Variants in CFAP61 observed in about 807,000 individuals in gnomAD.
The protein encoded by CFAP61 is cilia- and flagella-associated protein 61.
Under a neutral mutation model 135.6 loss-of-function variants are expected in CFAP61, and 107 were observed. The observed-to-expected ratio is 0.79, with a 90% CI of 0.67 to 0.93. CFAP61 has a LOEUF of 0.93. Ranked by LOEUF, CFAP61 falls within the 40% of genes least tolerant of loss-of-function variation. The pLI is 0.00. For synonymous variants in CFAP61, 575 were observed against 578.5 expected, an observed-to-expected ratio of 0.99 and a Z score of 0.09; for missense variants, 1,507 against 1,556.2, an observed-to-expected ratio of 0.97 and a Z score of 0.53.
chr20:20,115,377 T>A (rs1568934898), intron 8 of CFAP61, among the ~76,000 whole-genome samples: 1 of 150,470 alleles, frequency 6.6e-6, no homozygotes, highest in Non-Finnish European at 1.5e-5. Flanking sequence ...TTTCTAAAGA[T>A]CAAATCAGTG....
chr20:20,277,524 G>A (rs1228136568), intron 22 of CFAP61, 66 bp downstream of exon 22: 32 of 1,487,624 alleles, frequency 2.2e-5, no homozygotes, highest in Non-Finnish European at 2.7e-5. Flanking sequence ...GGGATTTGGG[G>A]GTCTGGAAGA....
intron 21 of CFAP61, among the ~76,000 whole-genome samples, chr20:20,275,271 C>A (rs2053661084): frequency 6.6e-6 from 1 of 152,200 alleles, no homozygotes; most frequent in Admixed American, 6.5e-5. Context: ...TGTAGACCAC[C>A]CACAACGTGC....
intron 6 of CFAP61, among the ~76,000 whole-genome samples, chr20:20,084,592 G>A (rs986359841): frequency 6.6e-6 from 1 of 152,174 alleles, no homozygotes; most frequent in African/African-American, 2.4e-5. Context: ...CAGCCAGGCT[G>A]TGGAGGTGAT....
chr20:20,290,031 C>T (rs1028427199), intron 23 of CFAP61, among the ~76,000 whole-genome samples: 3 of 152,098 alleles, frequency 2.0e-5, no homozygotes, highest in African/African-American at 4.8e-5. Context: ...CGGGGAGCTC[C>T]GGATAATCAC....
At chr20:20,113,364 G>A (rs1237045949) in intron 8 of CFAP61, among the ~76,000 whole-genome samples, 1 of 152,156 alleles carries the variant, frequency 6.6e-6, no homozygotes, top group African/African-American at 2.4e-5. Flanking sequence ...ATGACAATGA[G>A]GTTATACTTG....
rs1236275956 is a variant in CFAP61 at position 20,056,802 on chromosome 20, T to C, written c.143+6T>C. The stretch of plus-strand genomic sequence containing the variant: ...CTAAATATCATCTATCTTCTGTAAG[T>C]AGATAACTAAGTTCAAGAATGTTCA... On this transcript the variant is annotated splice_donor_region_variant and intron_variant, in intron 2 of 26. Coordinates refer to ENST00000245957, the MANE Select transcript of CFAP61 (RefSeq NM_015585.4). 6.2e-7 allele frequency: 1 copy of C among 1,613,234 alleles called. No homozygotes were observed. The highest frequency in any genetic ancestry group is 1.7e-5 in the Admixed American group (1 of 59,972).
chr20:20,185,684 G>A (rs1480117377), intron 13 of CFAP61, among the ~76,000 whole-genome samples: 2 of 152,196 alleles, frequency 1.3e-5, no homozygotes, highest in Non-Finnish European at 2.9e-5. Context: ...ATCTTCCACA[G>A]TATCTTAAAT....
chr20:20,086,849 C>A (rs144128404), intron 6 of CFAP61, among the ~76,000 whole-genome samples: 54 of 152,254 alleles, frequency 3.5e-4, no homozygotes, highest in Admixed American at 2.0e-3. Context: ...CAGTGATGAT[C>A]CCATCATTGG....
At position 20,294,937 on chromosome 20, in the gene CFAP61, AAATAATAATAATAATAATAAT is replaced by A. The variant is rs11474551; in HGVS notation, c.3217-3224_3217-3204del. Reference sequence around the variant, plus strand: ...GCGACAGAGCGAGACTCCGTCTCAAAAATAATAATAATAATAATAATAATAATAATAATAATAATACCAAAA... The same window carrying A: ...GCGACAGAGCGAGACTCCGTCTCAAAAATAATAATAATAATAATACCAAAA... On this transcript the variant is annotated intron_variant, in intron 24 of 26. Coordinates refer to ENST00000245957, the MANE Select transcript of CFAP61 (RefSeq NM_015585.4). Among the ~76,000 whole-genome samples, 602 of 142,904 alleles carry A rather than the reference AAATAATAATAATAATAATAAT, an allele frequency of 4.2e-3. 8 individuals are homozygous for A. Among genetic ancestry groups the A allele is most frequent in the African/African-American group, 0.015 (565 of 38,774 alleles). 93.8% of individuals were successfully genotyped at this position (142,904 alleles called of 152,430 possible).
Position 20,132,420 on chromosome 20 carries a change from T to C in CFAP61, c.860-10437T>C, listed in dbSNP as rs115228834. Among the ~76,000 whole-genome samples, 1,149 of 152,240 alleles carry C rather than the reference T, an allele frequency of 7.5e-3. 10 individuals carry two copies. The highest frequency in any genetic ancestry group is 0.026 in the African/African-American group (1,078 of 41,572). On this transcript the variant is annotated intron_variant, in intron 8 of 26. Transcript: ENST00000245957. ...ACCTACTCTGTGTGTTTTTAATTCT[T>C]CCAACTTTGTTAAGCATATGTTCCA...
chr20:20,349,267 G>A (rs181226807), intron 26 of CFAP61, among the ~76,000 whole-genome samples: 1 of 152,326 alleles, frequency 6.6e-6, no homozygotes, highest in East Asian at 1.9e-4. Context: ...TGGTTCTGCA[G>A]GCTGTACATG....
intron 19 of CFAP61, among the ~76,000 whole-genome samples, chr20:20,248,625 A>G (rs1409937577): frequency 6.6e-6 from 1 of 152,208 alleles, no homozygotes; most frequent in African/African-American, 2.4e-5. Flanking sequence ...GATTAATTGA[A>G]AGTTAATTGT....
In CFAP61 at chr20:20,263,317, G is replaced by T. The variant is rs1183089407; in HGVS notation, c.2503+187G>T. ...TCATTTTTGGATACCCAGCATGTTT[G>T]CTGGGGGAAAGAAAAAAGCTTGAGA... On this transcript the variant is annotated intron_variant, in intron 21 of 26. Transcript: ENST00000245957. 2.0e-5 allele frequency among the ~76,000 whole-genome samples: 3 copies of T among 152,082 alleles called. No homozygotes were observed. The East Asian group carries it at 5.8e-4, about 29-fold the overall frequency.
chr20:20,062,159 C>A (rs2044852996), intron 2 of CFAP61, among the ~76,000 whole-genome samples: 1 of 152,078 alleles, frequency 6.6e-6, no homozygotes, highest in Admixed American at 6.6e-5. Context: ...GAAGGAAGGC[C>A]CCATGTCACT....
At chr20:20,062,118 G>T (rs918337160) in intron 2 of CFAP61, among the ~76,000 whole-genome samples, 4 of 152,108 alleles carry the variant, frequency 2.6e-5, no homozygotes, top group Non-Finnish European at 4.4e-5. Context: ...TGCCTACATG[G>T]AGGAGAATTG....
intron 9 of CFAP61, among the ~76,000 whole-genome samples, chr20:20,153,277 G>A (rs1445325820): frequency 6.6e-6 from 1 of 152,036 alleles, no homozygotes; most frequent in African/African-American, 2.4e-5. Flanking sequence ...GTCTGAAAGA[G>A]CACAGATAGA....
At chr20:20,093,581 T>A (rs1440850584) in intron 7 of CFAP61, among the ~76,000 whole-genome samples, 2 of 151,830 alleles carry the variant, frequency 1.3e-5, no homozygotes, top group Admixed American at 1.3e-4. Flanking sequence ...ATTACATGCA[T>A]GTGCCACCAC....
chr20:20,281,247 G>A (rs2054180037), intron 22 of CFAP61, among the ~76,000 whole-genome samples: 1 of 152,024 alleles, frequency 6.6e-6, no homozygotes, highest in Non-Finnish European at 1.5e-5. Context: ...TCAGTTACTT[G>A]CTTTATTCTA....
rs1388074323 is a variant in CFAP61 at position 20,359,031 on chromosome 20, C to A, written c.3514-1179C>A. Among the ~76,000 whole-genome samples the A allele has an allele frequency of 6.6e-6, 1 of 152,130 alleles. No individual in the cohort carries two copies. Among genetic ancestry groups the A allele is most frequent in the African/African-American group, 2.4e-5 (1 of 41,420 alleles). ...GGAGGGCAGATATGCAGTGGTGAAG[C>A]AAATATAGCAGATGTTAACTGTGGA... is the stretch of plus-strand genomic sequence containing the variant. On this transcript the variant is annotated intron_variant, in intron 26 of 26. Coordinates refer to ENST00000245957, the MANE Select transcript of CFAP61 (RefSeq NM_015585.4). This position sits in a 1 kb window ranked among gnomAD's most constrained non-coding sequence, Gnocchi z 4.0.
Sources: allele counts gnomAD v4.1 joint callset (sites outside exome capture counted in the v4.1 genomes callset), GRCh38; gene constraint gnomAD v4.1.1; non-coding constraint Gnocchi (gnomAD v3.1); transcripts MANE v1.5; gene names NCBI Gene and HGNC (gene_info 2026-07-23, HGNC 2026-07-21).